Variants in KCTD8 observed in about 807,000 individuals in gnomAD.
KCTD8 encodes BTB/POZ domain-containing protein KCTD8.
In KCTD8, 27 loss-of-function variants were observed where a neutral mutation model predicts 31.5. The observed-to-expected ratio is 0.86, with a 90% CI of 0.63 to 1.18. The LOEUF (loss-of-function observed/expected upper bound fraction) is 1.18, where lower values mean the gene tolerates loss of function less well. Among genes scored for constraint, KCTD8 ranks in the 50% most tolerant of loss-of-function variants. The pLI is 0.00. For missense variants in KCTD8, 658 were observed against 647.7 expected (o/e 1.02, Z -0.17); for synonymous variants, 290 against 280.0 (o/e 1.04, Z -0.36).
At chr4:44,279,071 T>G (rs775877159) in intron 1 of KCTD8, among the ~76,000 whole-genome samples, 3 of 152,118 alleles carry the variant, frequency 2.0e-5, no homozygotes, top group African/African-American at 7.2e-5. Flanking sequence ...TGGCTTGGGA[T>G]AAATTGGCTA....
chr4:44,286,031 CCTTAT>C lies in KCTD8; in HGVS notation c.962-110786_962-110782del, dbSNP rs1391815361. Among the ~76,000 whole-genome samples, 8 of 151,848 alleles carry C rather than the reference CCTTAT, an allele frequency of 5.3e-5. No homozygotes were observed. The East Asian group carries it at 1.3e-3, about 26-fold the overall frequency. The stretch of plus-strand genomic sequence containing the variant: ...GAGTTTGGAAGAAGCTGATTCCAAC[CCTTAT>C]CTTATCTCAATGGTCACATCTCAGT... On this transcript the variant is annotated intron_variant, in intron 1 of 1. Transcript: ENST00000360029.
rs568951541 is a variant in KCTD8 at position 44,202,465 on chromosome 4, G to A, written c.962-27215C>T. ...TGCAGTCATAAAAATGAACAAAATC[G>A]TATCCTTTGCAGCACCATGGATGCA... On this transcript the variant is annotated intron_variant, in intron 1 of 1. Transcript: ENST00000360029. Among the ~76,000 whole-genome samples, 243 of 152,192 alleles carry A rather than the reference G, an allele frequency of 1.6e-3. 2 individuals carry two copies. Among genetic ancestry groups the A allele is most frequent in the Non-Finnish European group, 3.0e-3 (204 of 67,994 alleles).
chr4:44,248,883 T>C (rs915905872), intron 1 of KCTD8, among the ~76,000 whole-genome samples: 1 of 151,830 alleles, frequency 6.6e-6, no homozygotes, highest in African/African-American at 2.4e-5. Flanking sequence ...CCTCAAACTG[T>C]TTAGTGAGAA....
chr4:44,435,033 G>A (rs1043484071), intron 1 of KCTD8, among the ~76,000 whole-genome samples: 2 of 151,866 alleles, frequency 1.3e-5, no homozygotes, highest in African/African-American at 4.8e-5. Context: ...TTATTCACCT[G>A]GCAAATAGCT....
intron 1 of KCTD8, among the ~76,000 whole-genome samples, chr4:44,421,989 C>A (rs1338952031): frequency 1.3e-5 from 2 of 152,050 alleles, no homozygotes; most frequent in African/African-American, 2.4e-5. Context: ...ATTAACTGTT[C>A]CTGAAATACA....
chr4:44,391,624 C>T (rs1011074084), intron 1 of KCTD8, among the ~76,000 whole-genome samples: 1 of 151,386 alleles, frequency 6.6e-6, no homozygotes, highest in African/African-American at 2.4e-5. Flanking sequence ...AACATAAAAA[C>T]TATGTGTTAA....
rs563973247 is a variant in KCTD8 at position 44,447,972 on chromosome 4, G to A, written c.552C>T (p.Ala184=). The change falls in exon 1 of 2, where the codon GCC becomes GCT. Residue 184 remains alanine, a synonymous_variant. Transcript: ENST00000360029. The part of the protein sequence containing the change: ...SDALLLRGAA[A]AVPSGPGAHG... ...GCGCTCCCGGGCCCGAGGGCACGGC[G>A]GCCGCCGCCCCGCGCAGCAGCAGCG... is the stretch of plus-strand genomic sequence containing the variant. The A allele has an allele frequency of 1.3e-6, 2 of 1,530,056 alleles. No individual in the cohort carries two copies. Among genetic ancestry groups the A allele is most frequent in the East Asian group, 5.2e-5 (2 of 38,558 alleles). The allele number at this position is 1,530,056 out of a possible 1,614,324, so 94.8% of individuals were successfully genotyped here.
chr4:44,316,627 G>A (rs534791509), intron 1 of KCTD8, among the ~76,000 whole-genome samples: 9 of 151,758 alleles, frequency 5.9e-5, no homozygotes, highest in Admixed American at 1.3e-4. Flanking sequence ...ATGTCAGCAG[G>A]TAATCTTCTT....
At chr4:44,424,975 G>T (rs1560451617) in intron 1 of KCTD8, among the ~76,000 whole-genome samples, 1 of 151,862 alleles carries the variant, frequency 6.6e-6, no homozygotes, top group Non-Finnish European at 1.5e-5. Flanking sequence ...AGTTCATTAG[G>T]ATGGGCCCTA....
chr4:44,222,302 A>G (rs1413186603), intron 1 of KCTD8, among the ~76,000 whole-genome samples: 1 of 152,300 alleles, frequency 6.6e-6, no homozygotes, highest in South Asian at 2.1e-4. Flanking sequence ...GCAGTCAGGA[A>G]GGAAAGCTCA....
chr4:44,183,817 A>C (rs1235597126), intron 1 of KCTD8, among the ~76,000 whole-genome samples: 1 of 152,200 alleles, frequency 6.6e-6, no homozygotes, highest in African/African-American at 2.4e-5. Context: ...ATAGGTATGT[A>C]AAATGTGTCT....
At chr4:44,439,333 T>C (rs998978355) in intron 1 of KCTD8, among the ~76,000 whole-genome samples, 5 of 152,152 alleles carry the variant, frequency 3.3e-5, no homozygotes, top group Admixed American at 6.5e-5. Context: ...GTTTCTTCCA[T>C]TTTATTTGCT....
At chr4:44,217,434 G>T (rs1714680341) in intron 1 of KCTD8, among the ~76,000 whole-genome samples, 1 of 152,138 alleles carries the variant, frequency 6.6e-6, no homozygotes. Context: ...CCACACAGAA[G>T]TCTCCAAAAG....
intron 1 of KCTD8, among the ~76,000 whole-genome samples, chr4:44,342,748 G>C (rs1044464084): frequency 6.6e-6 from 1 of 152,142 alleles, no homozygotes; most frequent in Non-Finnish European, 1.5e-5. Context: ...CAATTACTTA[G>C]CTAGATCTTC....
rs139859768 is a variant in KCTD8 at position 44,236,681 on chromosome 4, T to C, written c.962-61431A>G. Among the ~76,000 whole-genome samples, 549 of 152,272 alleles carry C rather than the reference T, an allele frequency of 3.6e-3. 1 individual carries two copies. The highest frequency in any genetic ancestry group is 0.013 in the African/African-American group (524 of 41,560). On this transcript the variant is annotated intron_variant, in intron 1 of 1. Coordinates refer to ENST00000360029, the MANE Select transcript of KCTD8 (RefSeq NM_198353.3). ...ATATTGATATATGAGTGTGTCTACATGGAGGACCAAGAGGATGAACTCAGA... is the reference window on the plus strand; with the variant it reads ...ATATTGATATATGAGTGTGTCTACACGGAGGACCAAGAGGATGAACTCAGA...
chr4:44,320,691 C>A (rs1249661314), intron 1 of KCTD8, among the ~76,000 whole-genome samples: 1 of 151,828 alleles, frequency 6.6e-6, no homozygotes, highest in East Asian at 1.9e-4. Flanking sequence ...GGATGCACAA[C>A]AGTAAAGCAG....
intron 1 of KCTD8, among the ~76,000 whole-genome samples, chr4:44,235,553 A>T (rs1329780510): frequency 1.0e-4 from 9 of 90,364 alleles, no homozygotes; most frequent in African/African-American, 4.5e-4. Flanking sequence ...ATATATATAT[A>T]TATATATATA....
intron 1 of KCTD8, among the ~76,000 whole-genome samples, chr4:44,369,331 C>T (rs750445125): frequency 3.3e-5 from 5 of 152,142 alleles, no homozygotes; most frequent in Non-Finnish European, 4.4e-5. Context: ...GAGTTAATTG[C>T]CACTTCAATA....
intron 1 of KCTD8, among the ~76,000 whole-genome samples, chr4:44,221,948 CAT>C (rs1162211320): frequency 6.6e-6 from 1 of 152,138 alleles, no homozygotes; most frequent in South Asian, 2.1e-4. Flanking sequence ...AACCATCACA[CAT>C]GTTATTCCAC....
Sources: gnomAD v4.1 joint callset for allele counts (sites outside exome capture counted in the v4.1 genomes callset) on GRCh38, gnomAD v4.1.1 for gene constraint, MANE v1.5 for transcripts, NCBI Gene and HGNC (gene_info 2026-07-23, HGNC 2026-07-21) for gene names.